The following PTPRD variants were observed in gnomAD, a reference collection of about 807,000 sequenced individuals.
The protein encoded by PTPRD is receptor-type tyrosine-protein phosphatase delta.
In PTPRD, 34 loss-of-function variants were observed where a neutral mutation model predicts 214.5. That is an observed-to-expected ratio of 0.16 (90% confidence interval 0.12 to 0.21). The LOEUF (loss-of-function observed/expected upper bound fraction) is 0.21. Ranked by LOEUF, PTPRD falls within the 10% of genes least tolerant of loss-of-function variation. The pLI is 1.00. For synonymous variants in PTPRD, 1,128 were observed against 845.7 expected (o/e 1.33, Z -5.79); for missense variants, 2,545 against 2,398.7 (o/e 1.06, Z -1.27).
chr9:8,748,704 G>C (rs1437550853), intron 11 of PTPRD, among the ~76,000 whole-genome samples: 1 of 152,012 alleles, frequency 6.6e-6, no homozygotes, highest in Non-Finnish European at 1.5e-5. Context: ...CTGACGTCAG[G>C]AGTTCAAGAC....
At chr9:10,424,866 C>G (rs2098597879) in intron 2 of PTPRD, among the ~76,000 whole-genome samples, 1 of 151,930 alleles carries the variant, frequency 6.6e-6, no homozygotes, top group African/African-American at 2.4e-5. Context: ...TTCTACTTCT[C>G]TAATAATCAC....
At chr9:8,451,386 G>C (rs1285415185) in intron 33 of PTPRD, among the ~76,000 whole-genome samples, 1 of 152,140 alleles carries the variant, frequency 6.6e-6, no homozygotes, top group African/African-American at 2.4e-5. Context: ...TCTGCGACCT[G>C]CCAAGGTACT....
At chr9:10,586,018 T>G (rs934786850) in intron 2 of PTPRD, among the ~76,000 whole-genome samples, 7 of 152,062 alleles carry the variant, frequency 4.6e-5, no homozygotes, top group South Asian at 4.1e-4. Context: ...AAATGTTGTA[T>G]GAGAAATTCA....
In PTPRD at chr9:9,384,405, T is replaced by A. The variant is rs1596828180; in HGVS notation, c.-203+13044A>T. Among the ~76,000 whole-genome samples the A allele has an allele frequency of 4.0e-5, 5 of 126,194 alleles. 1 individual carries two copies. The South Asian group carries it at 1.4e-3, about 36-fold the overall frequency. 82.8% of individuals were successfully genotyped at this position (126,194 alleles called of 152,430 possible). A position where few individuals can be genotyped will look rare whatever the true frequency, so the allele number is the denominator to read the frequency against. ...TTTTTCTGGTGGGTCAACAACCCTA[T>A]CCAAGAGATAGTTCAATGTAGAAAC... On this transcript the variant is annotated intron_variant, in intron 9 of 45. Transcript: ENST00000381196.
chr9:10,381,398 G>C (rs2097822298), intron 2 of PTPRD, among the ~76,000 whole-genome samples: 1 of 151,992 alleles, frequency 6.6e-6, no homozygotes, highest in South Asian at 2.1e-4. Context: ...TATTGCAGAA[G>C]CCTTCAGCGG....
At chr9:9,028,041 A>G (rs1380389727) in intron 10 of PTPRD, among the ~76,000 whole-genome samples, 6 of 151,866 alleles carry the variant, frequency 4.0e-5, no homozygotes, top group Non-Finnish European at 7.4e-5. Flanking sequence ...GTAAACATAT[A>G]CCCCACCATT....
At chr9:8,431,148 A>G (rs1439678274) in intron 35 of PTPRD, among the ~76,000 whole-genome samples, 1 of 152,212 alleles carries the variant, frequency 6.6e-6, no homozygotes, top group Non-Finnish European at 1.5e-5. Context: ...TGTCACCACA[A>G]CAAACAGTCA....
At chr9:8,928,510 T>C (rs1481547409) in intron 11 of PTPRD, among the ~76,000 whole-genome samples, 1 of 151,918 alleles carries the variant, frequency 6.6e-6, no homozygotes, top group African/African-American at 2.4e-5. Context: ...ATCAGATGGT[T>C]GTAGATGTGT....
At chr9:8,834,020 T>C (rs1396776599) in intron 11 of PTPRD, among the ~76,000 whole-genome samples, 2 of 151,472 alleles carry the variant, frequency 1.3e-5, no homozygotes, top group Non-Finnish European at 2.9e-5. Flanking sequence ...TCTCACATAA[T>C]TACACAAACC....
At chr9:9,946,306 G>A (rs1250475376) in intron 4 of PTPRD, among the ~76,000 whole-genome samples, 1 of 152,160 alleles carries the variant, frequency 6.6e-6, no homozygotes. Context: ...GGGTAAAAAT[G>A]TGTGGACAAT....
chr9:8,993,880 A>G (rs2099386820), intron 11 of PTPRD, among the ~76,000 whole-genome samples: 5 of 152,158 alleles, frequency 3.3e-5, no homozygotes, highest in Admixed American at 3.3e-4. Flanking sequence ...GAGGGACACA[A>G]TGTAAACATG....
Position 8,389,900 on chromosome 9 carries a change from A to G in PTPRD, c.4211-493T>C, listed in dbSNP as rs529203029. On this transcript the variant is annotated intron_variant, in intron 36 of 45. Transcript: ENST00000381196. ...ATAAACTCATTTAATATTTACAACA[A>G]CTCTGCAGTAAGTCCTGTTATGAGT... is the stretch of plus-strand genomic sequence containing the variant. Among the ~76,000 whole-genome samples the G allele has an allele frequency of 3.3e-5, 5 of 152,246 alleles. No homozygotes were observed. In the East Asian group the frequency reaches 9.7e-4, roughly 29 times the overall value.
chr9:10,404,018 C>T (rs926103347), intron 2 of PTPRD, among the ~76,000 whole-genome samples: 1 of 151,586 alleles, frequency 6.6e-6, no homozygotes, highest in African/African-American at 2.4e-5. Flanking sequence ...AGTGATGTAT[C>T]ATGTAGTAAT....
rs147024401 is a variant in PTPRD, at chr9:9,361,372, G to T, written c.-203+36077C>A. Reference sequence around the variant, plus strand: ...ATTCCTTATCATAATATTTAAAGCTGCTTTGAATTTATTTCTAGATTAGTA... The same window carrying T: ...ATTCCTTATCATAATATTTAAAGCTTCTTTGAATTTATTTCTAGATTAGTA... On this transcript the variant is annotated intron_variant, in intron 9 of 45. Coordinates refer to ENST00000381196, the MANE Select transcript of PTPRD (RefSeq NM_002839.4). Among the ~76,000 whole-genome samples, 285 of 151,072 alleles carry T rather than the reference G, an allele frequency of 1.9e-3. 8 individuals are homozygous for T. Among genetic ancestry groups the T allele is most frequent in the Admixed American group, 0.013 (191 of 15,126 alleles).
rs182602626 is a variant in PTPRD, at chr9:10,247,414, C to T, written c.-545+93549G>A. Among the ~76,000 whole-genome samples, 109 of 152,254 alleles carry T rather than the reference C, an allele frequency of 7.2e-4. 1 individual carries two copies. The highest frequency in any genetic ancestry group is 1.5e-4 in the Non-Finnish European group (10 of 68,006). ...ATTACGTAAAAAATTAATCCCTAAA[C>T]AATAAGTTAGAGACAAAATGTAGTT... On this transcript the variant is annotated intron_variant, in intron 3 of 45. Coordinates refer to ENST00000381196, the MANE Select transcript of PTPRD (RefSeq NM_002839.4).
intron 10 of PTPRD, among the ~76,000 whole-genome samples, chr9:9,118,831 T>C (rs970177393): frequency 2.0e-5 from 3 of 152,144 alleles, no homozygotes; most frequent in African/African-American, 7.2e-5. Flanking sequence ...TTAAAGTAAA[T>C]AATAAGAGCA....
chr9:8,534,636 T>A (rs1005378160), intron 14 of PTPRD, among the ~76,000 whole-genome samples: 3 of 151,316 alleles, frequency 2.0e-5, no homozygotes, highest in African/African-American at 7.3e-5. Context: ...AGTATATATA[T>A]ATACACACAC....
intron 2 of PTPRD, among the ~76,000 whole-genome samples, chr9:10,413,808 AC>A (rs1174370788): frequency 6.6e-6 from 1 of 151,962 alleles, no homozygotes; most frequent in Non-Finnish European, 1.5e-5. Flanking sequence ...AAGGCTGTTC[AC>A]CTATGACCAT....
At chr9:9,161,821 T>C (rs1430414963) in intron 10 of PTPRD, among the ~76,000 whole-genome samples, 2 of 151,952 alleles carry the variant, frequency 1.3e-5, no homozygotes, top group Non-Finnish European at 2.9e-5. Context: ...ACACATCATA[T>C]AACAGTAATG....
Sources: allele counts gnomAD v4.1 joint callset (sites outside exome capture counted in the v4.1 genomes callset), GRCh38; gene constraint gnomAD v4.1.1; transcripts MANE v1.5; gene names NCBI Gene and HGNC (gene_info 2026-07-23, HGNC 2026-07-21).